GPC5: variants seen among roughly 807,000 people sequenced by gnomAD.
GPC5 encodes glypican-5.
In GPC5, 47 loss-of-function variants were observed where a neutral mutation model predicts 53.9. The ratio of observed to expected loss-of-function variants is 0.87; its 90% CI spans 0.69 to 1.11. The LOEUF is 1.11. Among genes scored for constraint, GPC5 ranks in the 50% most tolerant of loss-of-function variants. GPC5 has a pLI of 0.00. For synonymous variants in GPC5, 286 were observed against 263.3 expected (o/e 1.09, Z -0.84); for missense variants, 748 against 713.1 (o/e 1.05, Z -0.56).
At chr13:91,878,834 C>T (rs765046734) in intron 5 of GPC5, among the ~76,000 whole-genome samples, 1 of 152,110 alleles carries the variant, frequency 6.6e-6, no homozygotes, top group African/African-American at 2.4e-5. Context: ...TTGGGCAGTT[C>T]TTTATAGCAG....
At chr13:91,699,768 G>T (rs1283946856) in intron 3 of GPC5, among the ~76,000 whole-genome samples, 1 of 152,122 alleles carries the variant, frequency 6.6e-6, no homozygotes, top group Non-Finnish European at 1.5e-5. Flanking sequence ...CCACAGGAGG[G>T]TTATCTATTC....
intron 7 of GPC5, among the ~76,000 whole-genome samples, chr13:92,527,235 AAGAAAGAAAG>A (rs1881377110): frequency 2.2e-5 from 1 of 45,166 alleles, no homozygotes; most frequent in Non-Finnish European, 4.0e-5. Context: ...GAAAGAAAGA[AAGAAAGAAAG>A]AAAGAGAAAG....
intron 6 of GPC5, among the ~76,000 whole-genome samples, chr13:92,058,732 T>C (rs1267987559): frequency 6.6e-5 from 10 of 151,890 alleles, no homozygotes; most frequent in African/African-American, 1.9e-4. Flanking sequence ...TTAGTAGAGA[T>C]GGGGTTTTGC....
intron 7 of GPC5, among the ~76,000 whole-genome samples, chr13:92,598,862 C>A (rs1883957041): frequency 6.6e-6 from 1 of 152,110 alleles, no homozygotes; most frequent in Non-Finnish European, 1.5e-5. Context: ...ACTAAGAATA[C>A]AAAAATTAGC....
chr13:92,389,557 C>T (rs1874901107), intron 7 of GPC5, among the ~76,000 whole-genome samples: 1 of 152,058 alleles, frequency 6.6e-6, no homozygotes, highest in Non-Finnish European at 1.5e-5. Flanking sequence ...AACTTACTAC[C>T]AGTAGTCCTA....
At chr13:92,579,274 C>CCTCCCTCCCTCTCT (rs1566302736) in intron 7 of GPC5, among the ~76,000 whole-genome samples, 1 of 16,010 alleles carries the variant, frequency 6.2e-5, no homozygotes, top group African/African-American at 3.9e-4. Context: ...TCCCTCCCTC[C>CCTCCCTCCCTCTCT]CTCTCTCTCT....
chr13:91,918,916 C>T (rs1029552172), intron 6 of GPC5, among the ~76,000 whole-genome samples: 2 of 152,264 alleles, frequency 1.3e-5, no homozygotes, highest in Non-Finnish European at 2.9e-5. Flanking sequence ...CTCATGGCTT[C>T]ACGGTAGCTG....
chr13:92,631,288 T>G (rs1046603458), intron 7 of GPC5, among the ~76,000 whole-genome samples: 7 of 152,140 alleles, frequency 4.6e-5, no homozygotes, highest in Admixed American at 2.6e-4. Context: ...TTAAATATTT[T>G]AAGTGTGCAA....
At chr13:91,833,694 C>A (rs1349583066) in intron 5 of GPC5, among the ~76,000 whole-genome samples, 1 of 152,148 alleles carries the variant, frequency 6.6e-6, no homozygotes, top group Non-Finnish European at 1.5e-5. Context: ...TTCAATACCC[C>A]TTCATGCTAA....
chr13:91,583,918 T>C (rs754734810), intron 2 of GPC5, among the ~76,000 whole-genome samples: 1 of 152,250 alleles, frequency 6.6e-6, no homozygotes, highest in Admixed American at 6.5e-5. Context: ...TGAGCTGAAC[T>C]GTATCTTCCC....
Position 92,326,235 on chromosome 13 carries a change from C to T in GPC5, c.1561+181246C>T, listed in dbSNP as rs1422902135. Reference sequence around the variant, plus strand: ...TCTCATTCAGGTGTAATTCTACTTGCCGGTAAGTATATCCTGCAACTATGA... The same window carrying T: ...TCTCATTCAGGTGTAATTCTACTTGTCGGTAAGTATATCCTGCAACTATGA... On this transcript the variant is annotated intron_variant, in intron 7 of 7. Transcript: ENST00000377067. Among the ~76,000 whole-genome samples the T allele has an allele frequency of 2.0e-5, 3 of 151,966 alleles. No homozygotes were observed. In the South Asian group the frequency reaches 6.2e-4, roughly 31 times the overall value.
intron 2 of GPC5, among the ~76,000 whole-genome samples, chr13:91,465,645 T>C (rs1168674101): frequency 2.0e-5 from 3 of 152,190 alleles, no homozygotes; most frequent in Admixed American, 1.3e-4. Flanking sequence ...ATTTAATTGG[T>C]GGTTTTAAAA....
At chr13:91,609,623 T>C (rs2033485973) in intron 2 of GPC5, among the ~76,000 whole-genome samples, 1 of 152,186 alleles carries the variant, frequency 6.6e-6, no homozygotes, top group African/African-American at 2.4e-5. Flanking sequence ...TACTCACAGA[T>C]AGGCAGTGAG....
chr13:92,112,923 G>A (rs914024021), intron 6 of GPC5, among the ~76,000 whole-genome samples: 4 of 152,046 alleles, frequency 2.6e-5, no homozygotes, highest in African/African-American at 7.2e-5. Context: ...AAAAGGTGCC[G>A]CAAAACTGAT....
chr13:91,867,832 A>G (rs2039100955), intron 5 of GPC5, among the ~76,000 whole-genome samples: 1 of 152,346 alleles, frequency 6.6e-6, no homozygotes. Flanking sequence ...GAACAATTGT[A>G]TAGCATTTCA....
At chr13:92,186,147 C>A (rs1330983) in intron 7 of GPC5, among the ~76,000 whole-genome samples, 126,694 of 151,352 alleles carry the variant, frequency 0.84, 53,290 homozygotes, top group East Asian at 0.99. Flanking sequence ...GCAAGCAGAA[C>A]ATTGATCTTT....
intron 7 of GPC5, among the ~76,000 whole-genome samples, chr13:92,563,052 T>A (rs1471751039): frequency 6.6e-6 from 1 of 151,980 alleles, no homozygotes; most frequent in Non-Finnish European, 1.5e-5. Flanking sequence ...CCACTCCAGT[T>A]TGGTGACGGG....
rs1306788998 is a variant in GPC5, at chr13:92,022,536, TTAA to T, written c.1401+114484_1401+114486del. 2.0e-5 allele frequency among the ~76,000 whole-genome samples: 3 copies of T among 152,162 alleles called. No homozygotes were observed. The East Asian group carries it at 5.8e-4, about 29-fold the overall frequency. ...CATTGAGTCAGGTACATGGTGGATC[TTAA>T]TAATTGTGTGTTTAATAAATAAAAG... On this transcript the variant is annotated intron_variant, in intron 6 of 7. Coordinates refer to ENST00000377067, the MANE Select transcript of GPC5 (RefSeq NM_004466.6).
In GPC5 at chr13:91,689,226, T is replaced by C. The variant is rs1332197136; in HGVS notation, c.326-3961T>C. Among the ~76,000 whole-genome samples, 93 of 101,346 alleles carry C rather than the reference T, an allele frequency of 9.2e-4. 1 individual carries two copies. The highest frequency in any genetic ancestry group is 4.0e-3 in the African/African-American group (90 of 22,268). The allele number at this position is 101,346 out of a possible 152,430, so 66.5% of individuals were successfully genotyped here. A position where few individuals can be genotyped will look rare whatever the true frequency, so the allele number is the denominator to read the frequency against. On this transcript the variant is annotated intron_variant, in intron 2 of 7. Transcript: ENST00000377067. ...ATATATATATATATATATATATATA[T>C]ATATACACATATAAAATTATGGTAT...
Sources: gnomAD v4.1 joint callset for allele counts (sites outside exome capture counted in the v4.1 genomes callset) on GRCh38, gnomAD v4.1.1 for gene constraint, MANE v1.5 for transcripts, NCBI Gene and HGNC (gene_info 2026-07-23, HGNC 2026-07-21) for gene names.